EPM2A: variants seen among roughly 807,000 people sequenced by gnomAD.
EPM2A encodes the protein EPM2A glucan phosphatase, laforin, also known as laforin.
In EPM2A, 21 loss-of-function variants were observed where a neutral mutation model predicts 26.5. The ratio of observed to expected loss-of-function variants is 0.79; its 90% CI spans 0.56 to 1.14. EPM2A has a LOEUF of 1.14. EPM2A is among the 50% of genes most tolerant of loss of function. The pLI is 0.00. For synonymous variants in EPM2A, 217 were observed against 177.6 expected, an observed-to-expected ratio of 1.22 and a Z score of -1.76; for missense variants, 458 against 440.8, an observed-to-expected ratio of 1.04 and a Z score of -0.35.
chr6:145,541,139 C>A (rs1780503622), intron 2 of EPM2A, among the ~76,000 whole-genome samples: 1 of 150,528 alleles, frequency 6.6e-6, no homozygotes. Context: ...TAATCAAGAA[C>A]TAAAAATAAC....
intron 4 of EPM2A, among the ~76,000 whole-genome samples, chr6:145,385,048 A>G (rs1778240523): frequency 6.8e-6 from 1 of 148,126 alleles, no homozygotes; most frequent in Admixed American, 6.9e-5. Context: ...GCATGAATAA[A>G]GGTTTTTCAG....
intron 2 of EPM2A, among the ~76,000 whole-genome samples, chr6:145,583,210 T>C (rs973311557): frequency 1.3e-5 from 2 of 152,182 alleles, no homozygotes; most frequent in African/African-American, 4.8e-5. Flanking sequence ...AGTGTGGTCA[T>C]TTGGAGGTAA....
At chr6:145,713,770 C>T (rs1167696916) in intron 1 of EPM2A, among the ~76,000 whole-genome samples, 1 of 152,100 alleles carries the variant, frequency 6.6e-6, no homozygotes, top group Non-Finnish European at 1.5e-5. Context: ...CATATGTTCA[C>T]ACAAAAACTT....
intron 2 of EPM2A, among the ~76,000 whole-genome samples, chr6:145,648,829 T>G (rs1777672260): frequency 6.6e-6 from 1 of 152,212 alleles, no homozygotes; most frequent in South Asian, 2.1e-4. Flanking sequence ...CCTATCAGAA[T>G]TTTAAAAGTG....
chr6:145,721,574 A>G (rs997460477), intron 1 of EPM2A: 5 of 152,242 alleles, frequency 3.3e-5, no homozygotes, highest in African/African-American at 9.7e-5. Flanking sequence ...AGAAAAAGGT[A>G]CAATCTCCTA....
intron 2 of EPM2A, among the ~76,000 whole-genome samples, chr6:145,518,388 G>A (rs1780158091): frequency 6.6e-6 from 1 of 151,992 alleles, no homozygotes; most frequent in South Asian, 2.1e-4. Flanking sequence ...CATGCCTACT[G>A]TTCAAGCCAC....
At chr6:145,631,979 G>A (rs1051594472) in intron 3 of EPM2A, 3 of 151,888 alleles carry the variant, frequency 2.0e-5, no homozygotes, top group Non-Finnish European at 4.4e-5. Context: ...TCTTTGAAGT[G>A]TAATATAGAT....
At chr6:145,453,044 A>C (rs1184084348) in intron 4 of EPM2A, among the ~76,000 whole-genome samples, 2 of 152,190 alleles carry the variant, frequency 1.3e-5, no homozygotes, top group Middle Eastern at 6.3e-3. Context: ...ATGTAACTAA[A>C]GGACTGTAAT....
intron 2 of EPM2A, among the ~76,000 whole-genome samples, chr6:145,555,260 C>A (rs1582849316): frequency 6.6e-6 from 1 of 152,164 alleles, no homozygotes; most frequent in Non-Finnish European, 1.5e-5. Context: ...CTGCTCCTCT[C>A]CCTGGTAACC....
chr6:145,536,595 C>A (rs575801463), intron 2 of EPM2A, among the ~76,000 whole-genome samples: 119 of 150,900 alleles, frequency 7.9e-4, no homozygotes, highest in African/African-American at 2.8e-3. Flanking sequence ...CTGCACCTGG[C>A]CCCTTCCCCA....
chr6:145,490,408 C>T, intron 4 of EPM2A: 1 of 795,896 alleles, frequency 1.3e-6, no homozygotes, highest in South Asian at 1.4e-5. Context: ...TTTGAGGGTG[C>T]TATTTCTAGC....
intron 4 of EPM2A, among the ~76,000 whole-genome samples, chr6:145,419,515 A>C (rs994181546): frequency 5.3e-5 from 8 of 152,214 alleles, no homozygotes; most frequent in African/African-American, 1.9e-4. Context: ...CTTAAATATA[A>C]TGATCAAACT....
intron 2 of EPM2A, among the ~76,000 whole-genome samples, chr6:145,580,500 G>T (rs746460999): frequency 4.0e-5 from 6 of 150,734 alleles, no homozygotes; most frequent in Admixed American, 2.0e-4. Context: ...ATTGTTTTTT[G>T]ATTACATTTT....
chr6:145,659,550 T>C (rs1778537128), intron 2 of EPM2A, among the ~76,000 whole-genome samples: 1 of 152,156 alleles, frequency 6.6e-6, no homozygotes, highest in Admixed American at 6.5e-5. Context: ...AAATTAAATA[T>C]TAACTAAATT....
At chr6:145,491,312 C>T in intron 4 of EPM2A, 1 of 340,318 alleles carries the variant, frequency 2.9e-6, no homozygotes, top group South Asian at 2.5e-5. Flanking sequence ...CAACCTGCCA[C>T]AGGAGGGAGC....
chr6:145,403,379 A>ACCCCCCCCCCCCCACC (rs529646199), intron 4 of EPM2A, among the ~76,000 whole-genome samples: 1 of 143,194 alleles, frequency 7.0e-6, no homozygotes, highest in Non-Finnish European at 1.5e-5. Flanking sequence ...ATCCTCCCAC[A>ACCCCCCCCCCCCCACC]CCCCCTCCCC....
chr6:145,511,065 C>T (rs1010996120), intron 2 of EPM2A, among the ~76,000 whole-genome samples: 1 of 151,870 alleles, frequency 6.6e-6, no homozygotes, highest in African/African-American at 2.4e-5. Flanking sequence ...ATCCAGAACA[C>T]ACCAATAACG....
chr6:145,683,306 TGA>T (rs1491361351), intron 2 of EPM2A, among the ~76,000 whole-genome samples: 3,506 of 141,078 alleles, frequency 0.025, 85 homozygotes, highest in Middle Eastern at 0.034. Flanking sequence ...TGTGTGTGTG[TGA>T]GTGTGTATAT....
At chr6:145,443,210 C>T (rs1344721916) in intron 4 of EPM2A, among the ~76,000 whole-genome samples, 2 of 152,190 alleles carry the variant, frequency 1.3e-5, no homozygotes, top group Non-Finnish European at 2.9e-5. Flanking sequence ...TTTGGCTATT[C>T]AGTCTCTTTT....
Sources: gnomAD v4.1 joint callset for allele counts (sites outside exome capture counted in the v4.1 genomes callset) on GRCh38, gnomAD v4.1.1 for gene constraint, MANE v1.5 for transcripts, NCBI Gene and HGNC (gene_info 2026-07-23, HGNC 2026-07-21) for gene names.